AUTS2: variants seen among roughly 807,000 people sequenced by gnomAD.
The protein encoded by AUTS2 is activator of transcription and developmental regulator AUTS2.
A neutral mutation model predicts 112.4 loss-of-function variants in AUTS2; 17 were observed. That is an observed-to-expected ratio of 0.15 (90% confidence interval 0.10 to 0.23). The LOEUF is 0.23. AUTS2 is among the 10% of genes least tolerant of loss of function. The probability of loss-of-function intolerance (pLI) is 1.00; values close to 1 mark genes in which losing one functional copy is unlikely to be tolerated. For missense variants in AUTS2, 1,510 were observed against 1,701.6 expected (o/e 0.89, Z 1.98); for synonymous variants, 751 against 702.7 (o/e 1.07, Z -1.09).
At chr7:69,973,547 A>G (rs1042186394) in intron 2 of AUTS2, among the ~76,000 whole-genome samples, 2 of 152,148 alleles carry the variant, frequency 1.3e-5, no homozygotes, top group African/African-American at 4.8e-5. Context: ...TTTGCTGTTT[A>G]GTACAATGTT....
intron 1 of AUTS2, among the ~76,000 whole-genome samples, chr7:69,650,684 C>G (rs1795249073): frequency 1.3e-5 from 2 of 152,206 alleles, no homozygotes; most frequent in South Asian, 4.1e-4. Context: ...ATGTAGGTCC[C>G]TCTGGGATTG....
At chr7:70,096,600 AAAAAAAAAAAAAAAAAG>A (rs1804215166) in intron 2 of AUTS2, among the ~76,000 whole-genome samples, 1 of 136,460 alleles carries the variant, frequency 7.3e-6, no homozygotes, top group Non-Finnish European at 1.6e-5. Context: ...ACTCCATCTT[AAAAAAAAAAAAAAAAAG>A]AAAAAAAAAG....
intron 6 of AUTS2, chr7:70,729,167 C>T: frequency 2.2e-6 from 1 of 456,574 alleles, no homozygotes; most frequent in East Asian, 7.0e-5. Context: ...TTTCCAGAGC[C>T]TTTGGAGACC....
chr7:70,029,599 T>C (rs1800683624), intron 2 of AUTS2, among the ~76,000 whole-genome samples: 1 of 152,312 alleles, frequency 6.6e-6, no homozygotes, highest in African/African-American at 2.4e-5. Flanking sequence ...TTCTTAAAAC[T>C]AGGTTTTAAA....
intron 2 of AUTS2, among the ~76,000 whole-genome samples, chr7:70,101,641 G>A (rs113155374): frequency 1.3e-5 from 2 of 152,294 alleles, no homozygotes; most frequent in African/African-American, 4.8e-5. Context: ...GTTGCAGTGA[G>A]CTGAGGTTGT....
At chr7:70,345,801 C>T (rs1019595124) in intron 4 of AUTS2, among the ~76,000 whole-genome samples, 1 of 152,122 alleles carries the variant, frequency 6.6e-6, no homozygotes, top group African/African-American at 2.4e-5. Flanking sequence ...ATGGAGTAGA[C>T]CTAATTATAT....
chr7:70,133,898 T>C (rs1414889502), intron 3 of AUTS2, among the ~76,000 whole-genome samples: 1 of 152,226 alleles, frequency 6.6e-6, no homozygotes, highest in East Asian at 1.9e-4. Flanking sequence ...GTAATTCTTG[T>C]GACTTAAACC....
intron 2 of AUTS2, among the ~76,000 whole-genome samples, chr7:69,940,637 TG>T (rs1796591204): frequency 6.6e-6 from 1 of 152,090 alleles, no homozygotes; most frequent in African/African-American, 2.4e-5. Flanking sequence ...GGTAGAACCA[TG>T]GGTATAACAT....
chr7:70,242,572 C>T (rs1353116895), intron 4 of AUTS2, among the ~76,000 whole-genome samples: 1 of 152,188 alleles, frequency 6.6e-6, no homozygotes, highest in Non-Finnish European at 1.5e-5. Flanking sequence ...TTCCTCTCTT[C>T]CATCCTACTG....
intron 4 of AUTS2, among the ~76,000 whole-genome samples, chr7:70,351,262 C>A (rs1382983758): frequency 6.6e-6 from 1 of 152,110 alleles, no homozygotes; most frequent in African/African-American, 2.4e-5. Context: ...CCATGTAGGC[C>A]AGGCTGGTCT....
chr7:70,548,064 T>C (rs947601550), intron 5 of AUTS2, among the ~76,000 whole-genome samples: 1 of 152,204 alleles, frequency 6.6e-6, no homozygotes, highest in African/African-American at 2.4e-5. Context: ...CTTCCAACTT[T>C]GTTCTTTTTC....
intron 5 of AUTS2, among the ~76,000 whole-genome samples, chr7:70,525,577 GA>G (rs1799806883): frequency 6.6e-6 from 1 of 152,218 alleles, no homozygotes; most frequent in African/African-American, 2.4e-5. Context: ...GGAGTGAGGG[GA>G]AGTACCCAGG....
chr7:70,741,803 G>A (rs1329123975), intron 6 of AUTS2, among the ~76,000 whole-genome samples: 2 of 152,182 alleles, frequency 1.3e-5, no homozygotes, highest in Non-Finnish European at 2.9e-5. Flanking sequence ...GTTGGAGCCG[G>A]TGGTTATAGT....
intron 4 of AUTS2, among the ~76,000 whole-genome samples, chr7:70,167,750 C>A (rs902302137): frequency 6.6e-6 from 1 of 152,164 alleles, no homozygotes; most frequent in African/African-American, 2.4e-5. Context: ...AACTCAGTAA[C>A]AGAAGGATAC....
intron 4 of AUTS2, among the ~76,000 whole-genome samples, chr7:70,344,091 C>A (rs1791390424): frequency 6.6e-6 from 1 of 152,148 alleles, no homozygotes; most frequent in Admixed American, 6.5e-5. Flanking sequence ...AGTACTGACA[C>A]AACCCTGAGA....
At position 70,337,814 on chromosome 7, in the gene AUTS2, A is replaced by G. The variant is rs148949532; in HGVS notation, c.661-97938A>G. Among the ~76,000 whole-genome samples the G allele has an allele frequency of 4.6e-5, 7 of 152,338 alleles. No individual in the cohort carries two copies. The East Asian group carries it at 9.7e-4, about 21-fold the overall frequency. ...TGGGACACCAGCAGATCTGTTGTCT[A>G]TCATTGCCATGAGGATCAGTCCCTG... On this transcript the variant is annotated intron_variant, in intron 4 of 18. Transcript: ENST00000342771.
At chr7:69,801,572 A>G (rs1790084995) in intron 1 of AUTS2, among the ~76,000 whole-genome samples, 1 of 151,836 alleles carries the variant, frequency 6.6e-6, no homozygotes, top group South Asian at 2.1e-4. Context: ...TTGTGTATGT[A>G]TAATAAAAGA....
At chr7:70,052,397 C>A (rs1801795803) in intron 2 of AUTS2, among the ~76,000 whole-genome samples, 1 of 152,176 alleles carries the variant, frequency 6.6e-6, no homozygotes, top group South Asian at 2.1e-4. Flanking sequence ...TCCTCCCCAG[C>A]ACCCAGTGAG....
At chr7:69,660,367 TTTTA>T (rs1376016978) in intron 1 of AUTS2, among the ~76,000 whole-genome samples, 1 of 152,174 alleles carries the variant, frequency 6.6e-6, no homozygotes, top group Non-Finnish European at 1.5e-5. Context: ...CAGTATAGAC[TTTTA>T]TTTATTTATT....
Sources: allele counts gnomAD v4.1 joint callset (sites outside exome capture counted in the v4.1 genomes callset), GRCh38; gene constraint gnomAD v4.1.1; transcripts MANE v1.5; gene names NCBI Gene and HGNC (gene_info 2026-07-23, HGNC 2026-07-21).